ADGRL2: variants seen among roughly 807,000 people sequenced by gnomAD.
ADGRL2 encodes the protein adhesion G protein-coupled receptor L2, also known as calcium-independent alpha-latrotoxin receptor 2.
ADGRL2 carries 44 observed loss-of-function variants against 157.4 expected under a neutral mutation model. The observed-to-expected ratio is 0.28, with a 90% confidence interval of 0.22 to 0.36. The LOEUF is 0.36. Ranked by LOEUF, ADGRL2 falls within the 10% of genes least tolerant of loss-of-function variation. The probability of loss-of-function intolerance (pLI) is 1.00; values close to 1 mark genes in which losing one functional copy is unlikely to be tolerated. For missense variants in ADGRL2, 1,510 were observed against 1,768.9 expected (o/e 0.85, Z 2.63); for synonymous variants, 585 against 624.7 (o/e 0.94, Z 0.95).
chr1:81,687,054 T>C (rs1330459393), intron 3 of ADGRL2, among the ~76,000 whole-genome samples: 1 of 152,202 alleles, frequency 6.6e-6, no homozygotes, highest in Admixed American at 6.5e-5. Context: ...TGGCCTATCA[T>C]ATGGTCTATC....
chr1:81,330,000 T>C (rs1661164626), intron 1 of ADGRL2, among the ~76,000 whole-genome samples: 1 of 152,122 alleles, frequency 6.6e-6, no homozygotes. Flanking sequence ...AAAGGTGAAA[T>C]AGAAAGAAAA....
chr1:81,560,749 C>A (rs2080421965), intron 2 of ADGRL2, among the ~76,000 whole-genome samples: 1 of 152,038 alleles, frequency 6.6e-6, no homozygotes, highest in Admixed American at 6.6e-5. Flanking sequence ...GCAGAAGAGG[C>A]AAAGACAAAA....
intron 3 of ADGRL2, among the ~76,000 whole-genome samples, chr1:81,617,722 A>G (rs1222740810): frequency 2.0e-5 from 3 of 152,176 alleles, no homozygotes; most frequent in African/African-American, 7.2e-5. Context: ...CTTGGATGCT[A>G]TGTCAGTGTT....
chr1:81,493,189 A>G (rs1340854658), intron 2 of ADGRL2, among the ~76,000 whole-genome samples: 1 of 152,192 alleles, frequency 6.6e-6, no homozygotes, highest in Non-Finnish European at 1.5e-5. Flanking sequence ...GAAATTATCA[A>G]ACAAATGTAC....
intron 1 of ADGRL2, among the ~76,000 whole-genome samples, chr1:81,831,523 CAGT>C (rs1402801488): frequency 6.6e-6 from 1 of 151,940 alleles, no homozygotes; most frequent in African/African-American, 2.4e-5. Flanking sequence ...TAATTAGTAA[CAGT>C]AGTGATTTTA....
intron 2 of ADGRL2, among the ~76,000 whole-genome samples, chr1:81,846,113 A>C (rs1035919377): frequency 1.3e-5 from 2 of 152,010 alleles, no homozygotes; most frequent in Non-Finnish European, 2.9e-5. Flanking sequence ...ACATTAAACC[A>C]ACCAGTAAGA....
intron 1 of ADGRL2, among the ~76,000 whole-genome samples, chr1:81,416,620 T>A (rs1471924117): frequency 6.6e-6 from 1 of 152,236 alleles, no homozygotes; most frequent in Non-Finnish European, 1.5e-5. Flanking sequence ...TTCATATAAT[T>A]GATAAAATTC....
At chr1:81,425,576 A>G (rs1262207117) in intron 1 of ADGRL2, among the ~76,000 whole-genome samples, 1 of 152,210 alleles carries the variant, frequency 6.6e-6, no homozygotes, top group Non-Finnish European at 1.5e-5. Flanking sequence ...TTTTTCTCCT[A>G]CTAGTCTGAA....
At chr1:81,989,814 G>A in intron 23 of ADGRL2, 2 of 1,473,898 alleles carry the variant, frequency 1.4e-6, no homozygotes, top group Non-Finnish European at 1.8e-6. Context: ...TGACTTCTTT[G>A]TATCTGTCCA....
chr1:81,501,716 G>A, intron 2 of ADGRL2: 2 of 1,603,538 alleles, frequency 1.2e-6, no homozygotes, highest in South Asian at 1.1e-5. Flanking sequence ...GTGCCTGGTG[G>A]GCTGTGCCCA....
At chr1:81,501,662 G>T in intron 2 of ADGRL2, 1 of 1,458,356 alleles carries the variant, frequency 6.9e-7, no homozygotes, top group Non-Finnish European at 9.3e-7. Context: ...CGCCTCCTCC[G>T]CCACCCGAAA....
chr1:81,883,477 C>T (rs1431155192), intron 2 of ADGRL2, among the ~76,000 whole-genome samples: 1 of 152,046 alleles, frequency 6.6e-6, no homozygotes, highest in African/African-American at 2.4e-5. Context: ...TTCCAAGACA[C>T]TTTGTAGTTA....
At chr1:81,714,552 C>T (rs1367454728) in intron 1 of ADGRL2, among the ~76,000 whole-genome samples, 2 of 152,050 alleles carry the variant, frequency 1.3e-5, no homozygotes, top group African/African-American at 2.4e-5. Context: ...AAAAAACATG[C>T]ATCATTTTTG....
At chr1:81,405,978 TAATC>T (rs1557664945) in intron 1 of ADGRL2, among the ~76,000 whole-genome samples, 1 of 152,252 alleles carries the variant, frequency 6.6e-6, no homozygotes, top group Non-Finnish European at 1.5e-5. Flanking sequence ...GGCACATACT[TAATC>T]TATTAGTAGA....
chr1:81,906,669 T>G (rs893106475), intron 2 of ADGRL2, among the ~76,000 whole-genome samples: 1 of 151,746 alleles, frequency 6.6e-6, no homozygotes. Flanking sequence ...TGAAAATTCT[T>G]TCTTGATTAG....
intron 3 of ADGRL2, among the ~76,000 whole-genome samples, chr1:81,608,940 A>T (rs544030200): frequency 6.6e-6 from 1 of 152,286 alleles, no homozygotes; most frequent in Admixed American, 6.5e-5. Context: ...CTCTGAGAAG[A>T]GATCACCAAA....
intron 1 of ADGRL2, among the ~76,000 whole-genome samples, chr1:81,343,315 C>T (rs1662223157): frequency 6.6e-6 from 1 of 152,080 alleles, no homozygotes; most frequent in Non-Finnish European, 1.5e-5. Context: ...GTCTTGAACT[C>T]CTGAACTCAA....
At chr1:81,342,326 C>T (rs1301851964) in intron 1 of ADGRL2, among the ~76,000 whole-genome samples, 4 of 152,162 alleles carry the variant, frequency 2.6e-5, no homozygotes, top group Admixed American at 6.5e-5. Flanking sequence ...ATTAGAGTTA[C>T]AGTGGAATTA....
chr1:81,872,454 G>T (rs560656841), intron 2 of ADGRL2, among the ~76,000 whole-genome samples: 1 of 152,202 alleles, frequency 6.6e-6, no homozygotes, highest in African/African-American at 2.4e-5. Context: ...CTACATTATT[G>T]CTGGAAGATG....
Sources: gnomAD v4.1 joint callset for allele counts (sites outside exome capture counted in the v4.1 genomes callset) on GRCh38, gnomAD v4.1.1 for gene constraint, MANE v1.5 for transcripts, NCBI Gene and HGNC (gene_info 2026-07-23, HGNC 2026-07-21) for gene names.